The following SCFD2 variants were observed in gnomAD, a reference collection of about 807,000 sequenced individuals.
The protein encoded by SCFD2 is sec1 family domain containing 2.
A neutral mutation model predicts 58.9 loss-of-function variants in SCFD2; 54 were observed. That is an observed-to-expected ratio of 0.92 (90% CI 0.74 to 1.15). The LOEUF (loss-of-function observed/expected upper bound fraction) is 1.15. SCFD2 is among the 50% of genes most tolerant of loss of function. SCFD2 has a pLI of 0.00. For missense variants in SCFD2, 805 were observed against 836.6 expected (o/e 0.96, Z 0.47); for synonymous variants, 321 against 335.9 (o/e 0.96, Z 0.49).
intron 5 of SCFD2, among the ~76,000 whole-genome samples, chr4:53,141,908 G>A (rs1027603576): frequency 1.3e-5 from 2 of 152,104 alleles, no homozygotes; most frequent in African/African-American, 4.8e-5. Flanking sequence ...GGCCCCAGCT[G>A]TTTGGATGCT....
intron 5 of SCFD2, among the ~76,000 whole-genome samples, chr4:52,994,130 A>G (rs1348555034): frequency 6.6e-6 from 1 of 152,186 alleles, no homozygotes; most frequent in Admixed American, 6.5e-5. Flanking sequence ...TGGGGGAGAA[A>G]TGAAAAGACA....
At chr4:53,338,666 C>A (rs1248346620) in intron 2 of SCFD2, among the ~76,000 whole-genome samples, 4 of 123,986 alleles carry the variant, frequency 3.2e-5, no homozygotes, top group Non-Finnish European at 4.8e-5. Context: ...CTGCAAGCTC[C>A]GCCTCCCGGG....
intron 4 of SCFD2, among the ~76,000 whole-genome samples, chr4:53,170,839 G>T (rs1727158340): frequency 6.6e-6 from 1 of 151,926 alleles, no homozygotes; most frequent in African/African-American, 2.4e-5. Context: ...GTTAGCTGTT[G>T]GTGTATAGAA....
At chr4:53,184,741 T>C (rs1727690056) in intron 4 of SCFD2, among the ~76,000 whole-genome samples, 1 of 152,114 alleles carries the variant, frequency 6.6e-6, no homozygotes, top group Admixed American at 6.6e-5. Flanking sequence ...ACTGTTTACT[T>C]CATGTCAAGT....
intron 5 of SCFD2, among the ~76,000 whole-genome samples, chr4:53,066,280 C>T (rs753831377): frequency 2.6e-5 from 4 of 151,948 alleles, no homozygotes; most frequent in Non-Finnish European, 4.4e-5. Flanking sequence ...TAACATTAAG[C>T]GAAATTAAAA....
intron 2 of SCFD2, among the ~76,000 whole-genome samples, chr4:53,322,446 C>T (rs1733054084): frequency 6.6e-6 from 1 of 152,104 alleles, no homozygotes; most frequent in Admixed American, 6.5e-5. Flanking sequence ...CCTTAAAAAA[C>T]GGACTAGATA....
In SCFD2 at chr4:53,329,223, C is replaced by A. The variant is rs565076544; in HGVS notation, c.1008-15460G>T. The stretch of plus-strand genomic sequence containing the variant: ...AGGTAAACAAAGCAGCCTGGAAGCT[C>A]GAACTGGGTGGAGCCCACCACAGCT... On this transcript the variant is annotated intron_variant, in intron 2 of 8. Transcript: ENST00000401642. Among the ~76,000 whole-genome samples, 52 of 152,318 alleles carry A rather than the reference C, an allele frequency of 3.4e-4. No homozygotes were observed. The South Asian group carries it at 6.0e-3, about 18-fold the overall frequency.
chr4:53,150,537 C>T (rs577570076), intron 4 of SCFD2, among the ~76,000 whole-genome samples: 16 of 152,208 alleles, frequency 1.1e-4, no homozygotes, highest in Admixed American at 6.5e-5. Context: ...AAAAAAAATC[C>T]GTGACTCCAT....
chr4:53,082,710 G>A (rs1365638895), intron 5 of SCFD2, among the ~76,000 whole-genome samples: 1 of 152,016 alleles, frequency 6.6e-6, no homozygotes, highest in Non-Finnish European at 1.5e-5. Flanking sequence ...AGGCAGAAGA[G>A]GACCAAATTT....
At chr4:52,910,379 T>C in intron 6 of SCFD2, among the ~76,000 whole-genome samples, 1 of 152,322 alleles carries the variant, frequency 6.6e-6, no homozygotes, top group South Asian at 2.1e-4. Context: ...AGTGATGACT[T>C]ATAGAGCCAC....
intron 3 of SCFD2, among the ~76,000 whole-genome samples, chr4:53,301,045 G>A (rs1367387235): frequency 2.0e-5 from 3 of 152,034 alleles, no homozygotes; most frequent in Non-Finnish European, 4.4e-5. Context: ...AAGAACTAGA[G>A]AAGCAAGAGC....
intron 4 of SCFD2, among the ~76,000 whole-genome samples, chr4:53,196,036 T>A (rs1316893104): frequency 6.6e-6 from 1 of 152,124 alleles, no homozygotes; most frequent in Non-Finnish European, 1.5e-5. Flanking sequence ...ATATCTAGGA[T>A]AGTGTTTATA....
At chr4:53,074,697 C>T (rs1723919894) in intron 5 of SCFD2, among the ~76,000 whole-genome samples, 1 of 152,080 alleles carries the variant, frequency 6.6e-6, no homozygotes, top group Non-Finnish European at 1.5e-5. Context: ...TTACTAGGTG[C>T]ATTGTTAATA....
chr4:52,930,127 A>G (rs1165660831), intron 5 of SCFD2, among the ~76,000 whole-genome samples: 1 of 152,154 alleles, frequency 6.6e-6, no homozygotes, highest in East Asian at 1.9e-4. Context: ...ACAGTAACCA[A>G]AACAGCATGG....
chr4:52,887,730 G>A (rs911538698), intron 7 of SCFD2, among the ~76,000 whole-genome samples: 1 of 152,120 alleles, frequency 6.6e-6, no homozygotes, highest in Non-Finnish European at 1.5e-5. Flanking sequence ...GGTAGTAAGT[G>A]TTCTTGCCCA....
intron 5 of SCFD2, among the ~76,000 whole-genome samples, chr4:53,040,658 G>T (rs554140328): frequency 3.9e-5 from 6 of 152,164 alleles, no homozygotes; most frequent in Admixed American, 3.9e-4. Context: ...TGTTCTTTGG[G>T]TTTCCTATCT....
intron 4 of SCFD2, among the ~76,000 whole-genome samples, chr4:53,255,333 G>C (rs1235409674): frequency 2.0e-5 from 3 of 152,058 alleles, no homozygotes; most frequent in Non-Finnish European, 1.5e-5. Flanking sequence ...AACGGTCTCT[G>C]GTTTTCCTAG....
At chr4:52,931,460 T>C (rs1031063596) in intron 5 of SCFD2, among the ~76,000 whole-genome samples, 1 of 152,160 alleles carries the variant, frequency 6.6e-6, no homozygotes, top group Non-Finnish European at 1.5e-5. Flanking sequence ...TGCCCATGAG[T>C]TAAGCACAGC....
intron 6 of SCFD2, among the ~76,000 whole-genome samples, chr4:52,918,142 C>A (rs989772949): frequency 1.2e-4 from 16 of 134,250 alleles, no homozygotes; most frequent in African/African-American, 4.1e-4. Flanking sequence ...GGGTAGAAAG[C>A]ATAGATTTCT....
Sources: gnomAD v4.1 joint callset for allele counts (sites outside exome capture counted in the v4.1 genomes callset) on GRCh38, gnomAD v4.1.1 for gene constraint, MANE v1.5 for transcripts, NCBI Gene and HGNC (gene_info 2026-07-23, HGNC 2026-07-21) for gene names.